The following LRRC7 variants were observed in gnomAD, a reference collection of about 807,000 sequenced individuals.
The protein encoded by LRRC7 is leucine rich repeat containing 7.
Under a neutral mutation model 175.7 loss-of-function variants are expected in LRRC7, and 23 were observed. The observed-to-expected ratio is 0.13, with a 90% confidence interval of 0.09 to 0.19. The LOEUF (loss-of-function observed/expected upper bound fraction) is 0.19. Ranked by LOEUF, LRRC7 falls within the 10% of genes least tolerant of loss-of-function variation. The pLI is 1.00. For missense variants in LRRC7, 1,354 were observed against 1,904.7 expected (o/e 0.71, Z 5.38); for synonymous variants, 685 against 680.9 (o/e 1.01, Z -0.09).
At chr1:70,063,603 T>C (rs1419380463) in intron 23 of LRRC7, among the ~76,000 whole-genome samples, 1 of 152,032 alleles carries the variant, frequency 6.6e-6, no homozygotes, top group African/African-American at 2.4e-5. Context: ...AATGATAAGA[T>C]TCCATTTCTT....
chr1:70,079,738 T>A (rs960671856), intron 24 of LRRC7, among the ~76,000 whole-genome samples: 1 of 152,184 alleles, frequency 6.6e-6, no homozygotes, highest in African/African-American at 2.4e-5. Context: ...TAGAGTTGCA[T>A]AAGGTCCTGC....
intron 2 of LRRC7, among the ~76,000 whole-genome samples, chr1:69,744,409 G>A (rs866211618): frequency 1.6e-4 from 24 of 151,858 alleles, no homozygotes; most frequent in South Asian, 6.2e-4. Flanking sequence ...TTGGTTCAGA[G>A]ACAGTCTAGG....
At chr1:69,795,932 T>TA (rs1185065975) in intron 4 of LRRC7, among the ~76,000 whole-genome samples, 6 of 151,994 alleles carry the variant, frequency 3.9e-5, no homozygotes, top group Admixed American at 3.9e-4. Context: ...GTTTTTTTCT[T>TA]ATTTTGTTTT....
intron 2 of LRRC7, among the ~76,000 whole-genome samples, chr1:69,685,257 T>A (rs946367138): frequency 4.9e-4 from 74 of 152,270 alleles, no homozygotes; most frequent in African/African-American, 1.7e-3. Context: ...ACATACCTGC[T>A]AAAATAAAAG....
chr1:69,613,144 T>G (rs1442834837), intron 1 of LRRC7, among the ~76,000 whole-genome samples: 1 of 152,094 alleles, frequency 6.6e-6, no homozygotes, highest in Non-Finnish European at 1.5e-5. Flanking sequence ...CAGCAAACAT[T>G]TCTCACAGTT....
chr1:69,900,709 C>A (rs1465675204), intron 7 of LRRC7, among the ~76,000 whole-genome samples: 1 of 152,130 alleles, frequency 6.6e-6, no homozygotes, highest in Admixed American at 6.5e-5. Flanking sequence ...TTCCTTTGAG[C>A]ATCACGTTGG....
chr1:69,836,247 C>A (rs1681089562), intron 6 of LRRC7, among the ~76,000 whole-genome samples: 1 of 152,038 alleles, frequency 6.6e-6, no homozygotes, highest in East Asian at 1.9e-4. Context: ...CAGATCACGA[C>A]ATCACTACAC....
Position 70,039,393 on chromosome 1 carries a change from T to C in LRRC7, c.3569T>C (p.Leu1190Pro). The C allele has an allele frequency of 1.2e-6, 2 of 1,614,098 alleles. No individual in the cohort carries two copies. ...RYGRPPYRGG[L>P]DRQSSVTVTE... ...GGCAGACCCCCATATAGGGGAGGGC[T>C]GGATCGCCAAAGCAGCGTTACAGTG... The change falls in exon 21 of 27, where the codon CTG (leucine) becomes CCG (proline). Residue 1190 changes from leucine (L) to proline (P), a missense_variant. Physicochemically the swap from Leu to Pro is moderately conservative, Grantham distance 98. This residue lies in a region of LRRC7 where 1,032 missense variants were observed against 1,227.2 expected (regional missense o/e 0.84). Transcript: ENST00000651989.
chr1:69,577,119 G>A (rs1197833015), intron 1 of LRRC7, among the ~76,000 whole-genome samples: 1 of 152,146 alleles, frequency 6.6e-6, no homozygotes, highest in Admixed American at 6.6e-5. Context: ...AATGTGGGAC[G>A]TGAACACAGG....
intron 1 of LRRC7, among the ~76,000 whole-genome samples, chr1:69,574,052 G>T (rs1645845622): frequency 6.6e-6 from 1 of 152,076 alleles, no homozygotes; most frequent in Admixed American, 6.6e-5. Context: ...GCCCAAGGTA[G>T]TATCATAACA....
intron 7 of LRRC7, among the ~76,000 whole-genome samples, chr1:69,847,610 CCA>C (rs1215431898): frequency 6.6e-6 from 1 of 152,008 alleles, no homozygotes; most frequent in Non-Finnish European, 1.5e-5. Flanking sequence ...ACAGCACTAC[CCA>C]CAGAATCACA....
intron 1 of LRRC7, among the ~76,000 whole-genome samples, chr1:69,576,821 A>G (rs1231877509): frequency 6.6e-6 from 1 of 152,158 alleles, no homozygotes; most frequent in African/African-American, 2.4e-5. Flanking sequence ...ATGTAATCCC[A>G]CACACCATTT....
intron 24 of LRRC7, among the ~76,000 whole-genome samples, chr1:70,081,670 T>C (rs1571270481): frequency 1.3e-5 from 2 of 152,106 alleles, no homozygotes; most frequent in African/African-American, 4.8e-5. Context: ...AAGTCAAGAG[T>C]AGCCAAGCAC....
intron 20 of LRRC7, 137 bp from the exon 21 acceptor site, chr1:70,037,976 C>A: frequency 3.4e-6 from 4 of 1,175,836 alleles, no homozygotes; most frequent in Non-Finnish European, 4.7e-6. Context: ...AATAATAATA[C>A]TATCTTAATC....
At chr1:70,112,234 T>C (rs1209855757) in intron 26 of LRRC7, among the ~76,000 whole-genome samples, 1 of 152,172 alleles carries the variant, frequency 6.6e-6, no homozygotes, top group Non-Finnish European at 1.5e-5. Flanking sequence ...ATTATTGCAC[T>C]TTTTTTACTT....
At chr1:69,703,733 G>A (rs529122142) in intron 2 of LRRC7, among the ~76,000 whole-genome samples, 23 of 152,036 alleles carry the variant, frequency 1.5e-4, no homozygotes, top group African/African-American at 5.5e-4. Context: ...CATATAGCAT[G>A]TATATGATGT....
intron 2 of LRRC7, among the ~76,000 whole-genome samples, chr1:69,721,191 A>G (rs528231827): frequency 6.6e-6 from 1 of 152,002 alleles, no homozygotes; most frequent in Non-Finnish European, 1.5e-5. Context: ...AGAGTGTTAT[A>G]TTTGTTATAA....
At chr1:69,986,441 T>A in intron 10 of LRRC7, 55 bp downstream of exon 10, 1 of 1,504,706 alleles carries the variant, frequency 6.6e-7, no homozygotes, top group South Asian at 1.2e-5. Context: ...CATTTTCTTT[T>A]TTGGAAGTAT....
chr1:69,881,715 A>C (rs533875498), intron 7 of LRRC7, among the ~76,000 whole-genome samples: 55 of 96,732 alleles, frequency 5.7e-4, no homozygotes, highest in Non-Finnish European at 9.6e-4. Flanking sequence ...CCATCTCTAC[A>C]AAAAAAAAAA....
Sources: gnomAD v4.1 joint callset for allele counts (sites outside exome capture counted in the v4.1 genomes callset) on GRCh38, gnomAD v4.1.1 for gene constraint, gnomAD v4.1.1 regional missense constraint, MANE v1.5 for transcripts, NCBI Gene and HGNC (gene_info 2026-07-23, HGNC 2026-07-21) for gene names.